Variants in ACACA observed in about 807,000 individuals in gnomAD.
The protein encoded by ACACA is acetyl-CoA carboxylase alpha.
ACACA carries 103 observed loss-of-function variants against 296.1 expected under a neutral mutation model. The observed-to-expected ratio is 0.35, with a 90% CI of 0.30 to 0.41. The LOEUF is 0.41. Ranked by LOEUF, ACACA falls within the 10% of genes least tolerant of loss-of-function variation. The pLI is 1.00. For synonymous variants in ACACA, 953 were observed against 1,038.6 expected, an observed-to-expected ratio of 0.92 and a Z score of 1.58; for missense variants, 1,554 against 2,989.7, an observed-to-expected ratio of 0.52 and a Z score of 11.20.
intron 1 of ACACA, among the ~76,000 whole-genome samples, chr17:37,393,277 C>T (rs370430204): frequency 5.3e-5 from 8 of 152,088 alleles, no homozygotes; most frequent in Non-Finnish European, 8.8e-5. Flanking sequence ...TGCCACTGAT[C>T]CACGATGTTG....
Position 37,192,324 on chromosome 17 carries a change from GA to G in ACACA, c.4201-20del. The G allele has an allele frequency of 6.2e-7, 1 of 1,609,976 alleles. No individual in the cohort carries two copies. The stretch of plus-strand genomic sequence containing the variant: ...CCTCAAACTGAGTACAAGAATCAGA[GA>G]AAAAACAGCTCACAAGAGGCAGTTA... On this transcript the variant is annotated intron_variant, in intron 36 of 55. Transcript: ENST00000616317.
intron 32 of ACACA, 75 bp downstream of exon 32, chr17:37,206,708 A>G: frequency 8.1e-7 from 1 of 1,242,214 alleles, no homozygotes. Flanking sequence ...AATAGTTCAA[A>G]GTCAGAAAGA....
At position 37,108,578 on chromosome 17, in the gene ACACA, G is replaced by A. The variant is rs190396150; in HGVS notation, c.6565+2953C>T. Among the ~76,000 whole-genome samples, 954 of 152,182 alleles carry A rather than the reference G, an allele frequency of 6.3e-3. 3 individuals are homozygous for A. Among genetic ancestry groups the A allele is most frequent in the Non-Finnish European group, 0.011 (756 of 68,010 alleles). Reference sequence around the variant, plus strand: ...TAATTTTGTATTTTTAGTAGAGACGGGGTTTCTCCATGTTGGTCAGGCTGG... The same window carrying A: ...TAATTTTGTATTTTTAGTAGAGACGAGGTTTCTCCATGTTGGTCAGGCTGG... On this transcript the variant is annotated intron_variant, in intron 52 of 55. Coordinates refer to ENST00000616317, the MANE Select transcript of ACACA (RefSeq NM_198834.3).
In ACACA at chr17:37,244,668, G is replaced by A; in HGVS notation, c.2662C>T (p.Arg888Ter). The A allele has an allele frequency of 1.9e-6, 3 of 1,614,102 alleles. No individual in the cohort carries two copies. The highest frequency in any genetic ancestry group is 2.5e-6 in the Non-Finnish European group (3 of 1,180,004). ...STALRGEKLH[R>*]VFHYVLDNLV... ...TTATCCAGGACATAATGGAACACTC[G>A]ATGGAGTTTCTCGCCTCTGAGTGCC... The change falls in exon 21 of 56, where the codon CGA becomes TGA. Residue 888 changes from arginine (R) to a stop codon, truncating the protein, a stop_gained. Coordinates refer to ENST00000616317, the MANE Select transcript of ACACA (RefSeq NM_198834.3). LOFTEE classifies it high-confidence loss of function.
chr17:37,363,727 TG>T (rs1259236129), intron 1 of ACACA, among the ~76,000 whole-genome samples: 2 of 151,920 alleles, frequency 1.3e-5, no homozygotes, highest in African/African-American at 4.8e-5. Flanking sequence ...GGCTCACGCC[TG>T]TAATCCCAGC....
At chr17:37,326,244 T>C (rs993704734) in intron 3 of ACACA, among the ~76,000 whole-genome samples, 6 of 146,684 alleles carry the variant, frequency 4.1e-5, no homozygotes, top group Non-Finnish European at 7.4e-5. Flanking sequence ...GGGTCAGGCA[T>C]AGGCTGACAG....
intron 48 of ACACA, among the ~76,000 whole-genome samples, chr17:37,124,957 GC>G: frequency 6.6e-6 from 1 of 152,288 alleles, no homozygotes. Flanking sequence ...AAAACTGATT[GC>G]CCCCAGAGGA....
At position 37,129,067 on chromosome 17, in the gene ACACA, TTTGA is replaced by T. The variant is rs532546606; in HGVS notation, c.5944+294_5944+297del. Among the ~76,000 whole-genome samples, 27 of 152,356 alleles carry T rather than the reference TTTGA, an allele frequency of 1.8e-4. No homozygotes were observed. The South Asian group carries it at 5.4e-3, about 30-fold the overall frequency. ...GCTTATATTGAACTGTGTTAAAGTC[TTTGA>T]ACCCATTAAGTAATAAGTGCTTTAA... On this transcript the variant is annotated intron_variant, in intron 47 of 55. Coordinates refer to ENST00000616317, the MANE Select transcript of ACACA (RefSeq NM_198834.3).
intron 29 of ACACA, among the ~76,000 whole-genome samples, chr17:37,218,733 C>T (rs950331088): frequency 6.6e-6 from 1 of 152,168 alleles, no homozygotes; most frequent in Non-Finnish European, 1.5e-5. Context: ...ATATTGGTAG[C>T]CCTCTGTAAC....
intron 35 of ACACA, among the ~76,000 whole-genome samples, chr17:37,196,695 T>C (rs1160273354): frequency 6.6e-6 from 1 of 151,876 alleles, no homozygotes; most frequent in Non-Finnish European, 1.5e-5. Context: ...ATTCCAGACC[T>C]AAAATGTGAG....
chr17:37,296,155 G>A (rs1401867920), intron 3 of ACACA, among the ~76,000 whole-genome samples: 1 of 152,078 alleles, frequency 6.6e-6, no homozygotes, highest in Non-Finnish European at 1.5e-5. Flanking sequence ...AAAGGAAGAG[G>A]ATGCTTCCTG....
chr17:37,378,977 G>C (rs1363030962), intron 1 of ACACA, among the ~76,000 whole-genome samples: 1 of 152,090 alleles, frequency 6.6e-6, no homozygotes, highest in Non-Finnish European at 1.5e-5. Context: ...GCTGAGGTGG[G>C]AGGATTGCTT....
chr17:37,279,726 G>A (rs925803147), intron 5 of ACACA, among the ~76,000 whole-genome samples: 2 of 152,030 alleles, frequency 1.3e-5, no homozygotes, highest in South Asian at 2.1e-4. Flanking sequence ...CATGAGAGTC[G>A]CTTGAACCCA....
intron 1 of ACACA, chr17:37,389,153 T>C: frequency 1.4e-6 from 2 of 1,429,648 alleles, no homozygotes; most frequent in South Asian, 2.7e-5. Context: ...TTAGAAGAGA[T>C]GGCTTCCTTT....
chr17:37,136,183 G>C (rs1159091406), intron 45 of ACACA, among the ~76,000 whole-genome samples: 4 of 152,036 alleles, frequency 2.6e-5, no homozygotes, highest in Admixed American at 6.5e-5. Flanking sequence ...TCAAGATAGA[G>C]AGCATTTTCA....
chr17:37,111,921 C>T (rs1414464866), intron 51 of ACACA, among the ~76,000 whole-genome samples: 2 of 152,128 alleles, frequency 1.3e-5, no homozygotes, highest in Non-Finnish European at 2.9e-5. Flanking sequence ...GATTCCACCA[C>T]CTACAGCTGA....
intron 10 of ACACA, among the ~76,000 whole-genome samples, chr17:37,268,725 CTATCTATCTATCTATCTATATA>C (rs1171402731): frequency 1.8e-5 from 2 of 111,652 alleles, no homozygotes; most frequent in African/African-American, 8.4e-5. Context: ...ATCTATCTAT[CTATCTATCTATCTATCTATATA>C]TATATATATA....
At chr17:37,201,998 TATAA>T (rs1190967053) in intron 33 of ACACA, among the ~76,000 whole-genome samples, 1 of 152,176 alleles carries the variant, frequency 6.6e-6, no homozygotes, top group African/African-American at 2.4e-5. Flanking sequence ...TCAGGCCAAA[TATAA>T]ATAAATTTTG....
intron 7 of ACACA, 134 bp downstream of exon 7, chr17:37,276,899 G>A: frequency 3.8e-6 from 3 of 791,814 alleles, no homozygotes; most frequent in Non-Finnish European, 6.7e-6. Flanking sequence ...CTGAGAGTTA[G>A]TAATAGATTG....
Sources: gnomAD v4.1 joint callset for allele counts (sites outside exome capture counted in the v4.1 genomes callset) on GRCh38, gnomAD v4.1.1 for gene constraint, MANE v1.5 for transcripts, NCBI Gene and HGNC (gene_info 2026-07-23, HGNC 2026-07-21) for gene names.